The following CLASRP variants were observed in gnomAD, a reference collection of about 807,000 sequenced individuals.
CLASRP encodes the protein CLK4 associating serine/arginine rich protein.
In CLASRP, 52 loss-of-function variants were observed where a neutral mutation model predicts 99.9. The observed-to-expected ratio is 0.52, with a 90% CI of 0.42 to 0.66. The LOEUF is 0.66. Among genes scored for constraint, CLASRP ranks in the 30% least tolerant of loss-of-function variants. The pLI is 0.00. For synonymous variants in CLASRP, 379 were observed against 373.0 expected, an observed-to-expected ratio of 1.02 and a Z score of -0.18; for missense variants, 848 against 999.2, an observed-to-expected ratio of 0.85 and a Z score of 2.04.
chr19:45,048,441 G>C (rs531158593), intron 2 of CLASRP, among the ~76,000 whole-genome samples: 1 of 150,542 alleles, frequency 6.6e-6, no homozygotes, highest in Non-Finnish European at 1.5e-5. Flanking sequence ...CAGGAGAATC[G>C]CTTGAACCTG....
In CLASRP at chr19:45,057,914, T is replaced by C; in HGVS notation, c.613+16T>C. Reference sequence around the variant, plus strand: ...CCCGACATCGGTGGGGTCCCCTCTCTGCCCTCCCCACCTGCAGTCCCTGGG... The same window carrying C: ...CCCGACATCGGTGGGGTCCCCTCTCCGCCCTCCCCACCTGCAGTCCCTGGG... On this transcript the variant is annotated intron_variant, in intron 7 of 20. Transcript: ENST00000221455. 1.2e-6 allele frequency: 2 copies of C among 1,613,296 alleles called. No individual in the cohort carries two copies. Among genetic ancestry groups the C allele is most frequent in the South Asian group, 2.2e-5 (2 of 91,044 alleles).
chr19:45,055,636 C>T (rs565540816), intron 5 of CLASRP, among the ~76,000 whole-genome samples: 17 of 152,252 alleles, frequency 1.1e-4, no homozygotes, highest in Non-Finnish European at 2.1e-4. Context: ...GAGTTCGAGA[C>T]CAGCCTGACC....
At chr19:45,051,071 A>G (rs761482560) in intron 2 of CLASRP, among the ~76,000 whole-genome samples, 1 of 151,908 alleles carries the variant, frequency 6.6e-6, no homozygotes, top group African/African-American at 2.4e-5. Context: ...GTGTGGGTGA[A>G]GTGGTATCTT....
intron 2 of CLASRP, among the ~76,000 whole-genome samples, chr19:45,043,145 G>GA (rs536896164): frequency 3.0e-4 from 46 of 151,010 alleles, no homozygotes; most frequent in Non-Finnish European, 2.9e-5. Flanking sequence ...TCCAAAATCT[G>GA]AAAAAATCTG....
At position 45,070,795 on chromosome 19, in the gene CLASRP, C is replaced by T. The variant is rs906159697; in HGVS notation, c.1983-8C>T. ...CCATCCTCACGGCCCCTCCCTTTCT[C>T]TTTCCAGGCGCTCAAGGTCCCGATC... On this transcript the variant is annotated splice_polypyrimidine_tract_variant and splice_region_variant and intron_variant, in intron 20 of 20. Transcript: ENST00000221455. 1.2e-6 allele frequency: 2 copies of T among 1,609,258 alleles called. No individual in the cohort carries two copies. The highest frequency in any genetic ancestry group is 2.7e-5 in the African/African-American group (2 of 74,720).
chr19:45,067,598 A>G lies in CLASRP; in HGVS notation c.1667+4A>G. The G allele has an allele frequency of 6.3e-7, 1 of 1,590,842 alleles. No homozygotes were observed. On this transcript the variant is annotated splice_donor_region_variant and intron_variant, in intron 14 of 20. Transcript: ENST00000221455. This position sits in a 1 kb window ranked among gnomAD's most constrained non-coding sequence, Gnocchi z 4.9. ...CTGTGGGCGAGAAGCTGAAAAAGTGAGCGGGGCGGGTCTGGAGGAAGAGGG... is the reference window on the plus strand; with the variant it reads ...CTGTGGGCGAGAAGCTGAAAAAGTGGGCGGGGCGGGTCTGGAGGAAGAGGG...
At chr19:45,068,542 A>G in intron 16 of CLASRP, 62 bp downstream of exon 16, 2 of 1,264,566 alleles carry the variant, frequency 1.6e-6, no homozygotes, top group Non-Finnish European at 2.3e-6. Flanking sequence ...AGTGGGAGCA[A>G]GGAGACTCAG....
chr19:45,051,425 T>G (rs2122552704), intron 2 of CLASRP, among the ~76,000 whole-genome samples: 1 of 152,208 alleles, frequency 6.6e-6, no homozygotes, highest in South Asian at 2.1e-4. Context: ...GCGATTCTCC[T>G]GCCTCAGGCT....
intron 2 of CLASRP, among the ~76,000 whole-genome samples, chr19:45,043,195 T>TTGTGTGTG (rs58669276): frequency 0.084 from 11,262 of 134,636 alleles, 546 homozygotes; most frequent in Middle Eastern, 0.11. Context: ...AAGGAATACT[T>TTGTGTGTG]TGTGTGTGTG....
At position 45,064,593 on chromosome 19, in the gene CLASRP, G is replaced by T; in HGVS notation, c.1372G>T (p.Ala458Ser). 2.6e-6 allele frequency: 4 copies of T among 1,547,084 alleles called. No homozygotes were observed. The highest frequency in any genetic ancestry group is 1.2e-5 in the South Asian group (1 of 84,668). The change falls in exon 13 of 21, where the codon GCC (alanine) becomes TCC (serine). Residue 458 changes from alanine (A) to serine (S), a missense_variant. Physicochemically the swap from Ala to Ser is moderately conservative, Grantham distance 99. Coordinates refer to ENST00000221455, the MANE Select transcript of CLASRP (RefSeq NM_007056.3). ...RDGHRYSRSP[A>S]RRGGYGPRRR... ...CGGACACCGGTACTCCCGCTCGCCCGCCCGGCGTGGTGGTTACGGGCCCCG... is the reference window on the plus strand; with the variant it reads ...CGGACACCGGTACTCCCGCTCGCCCTCCCGGCGTGGTGGTTACGGGCCCCG...
Position 45,070,540 on chromosome 19 carries a change from G to A in CLASRP, c.1961G>A (p.Arg654Gln), listed in dbSNP as rs572944365. Reference sequence around the variant, plus strand: ...TCACCTGTTGTTTTCTTTCCAGGTCGAGAATACAGCTCTTCTCGAAGGTAA... The same window carrying A: ...TCACCTGTTGTTTTCTTTCCAGGTCAAGAATACAGCTCTTCTCGAAGGTAA... Reference protein sequence around the residue: ...QSRSPSPRYSREYSSSRRRSR... With the variant: ...QSRSPSPRYSQEYSSSRRRSR... Residue 654 changes from arginine (R) to glutamine (Q), a missense_variant, in exon 20 of 21, where the codon CGA becomes CAA. Around this residue, in one of 8 missense-constraint regions of CLASRP, gnomAD observed 116 missense variants for 162.7 expected, o/e 0.71. Coordinates refer to ENST00000221455, the MANE Select transcript of CLASRP (RefSeq NM_007056.3). 16 of 1,613,954 alleles carry A rather than the reference G, an allele frequency of 9.9e-6. No homozygotes were observed. In the Admixed American group the frequency reaches 1.2e-4, roughly 12 times the overall value.
At chr19:45,052,932 A>G in intron 4 of CLASRP, 40 bp downstream of exon 4, 1 of 1,562,754 alleles carries the variant, frequency 6.4e-7, no homozygotes, top group Non-Finnish European at 8.7e-7. Flanking sequence ...ACAGCGTCAT[A>G]CCCAGGAGCC....
intron 2 of CLASRP, among the ~76,000 whole-genome samples, chr19:45,048,418 C>T (rs1004978865): frequency 2.8e-4 from 42 of 151,358 alleles, no homozygotes; most frequent in Middle Eastern, 3.2e-3. Context: ...TGCCTGTACT[C>T]GGGAGGCTGA....
chr19:45,048,197 A>T (rs1971957129), intron 2 of CLASRP, among the ~76,000 whole-genome samples: 1 of 151,740 alleles, frequency 6.6e-6, no homozygotes, highest in Admixed American at 6.6e-5. Flanking sequence ...AGGCAGGTGG[A>T]CCCCATGGCT....
chr19:45,059,495 A>G (rs1312950202), intron 8 of CLASRP, 131 bp downstream of exon 8: 1 of 747,340 alleles, frequency 1.3e-6, no homozygotes, highest in Non-Finnish European at 2.2e-6. Context: ...AGGACTTTAC[A>G]CATGCAGGTC....
Position 45,063,876 on chromosome 19 carries a change from T to A in CLASRP, c.906-136T>A, listed in dbSNP as rs574651356. 2.1e-5 allele frequency: 26 copies of A among 1,259,592 alleles called. No individual in the cohort carries two copies. In the South Asian group the frequency reaches 3.1e-4, roughly 15 times the overall value. 78.0% of individuals were successfully genotyped at this position (1,259,592 alleles called of 1,614,324 possible). ...GTCCAGAGCTGGGTCTCCACTGCCCTCCAGGCTCCATCCACCCGCCTGGTT... is the reference window on the plus strand; with the variant it reads ...GTCCAGAGCTGGGTCTCCACTGCCCACCAGGCTCCATCCACCCGCCTGGTT... On this transcript the variant is annotated intron_variant, in intron 11 of 20. Transcript: ENST00000221455.
chr19:45,040,530 G>A, intron 2 of CLASRP: 2 of 413,828 alleles, frequency 4.8e-6, no homozygotes, highest in Non-Finnish European at 9.1e-6. Context: ...TCCCAGTGCC[G>A]ATCCGGTGTT....
intron 7 of CLASRP, 83 bp from the exon 8 acceptor site, chr19:45,059,185 C>A: frequency 1.7e-6 from 2 of 1,204,870 alleles, no homozygotes; most frequent in Non-Finnish European, 2.4e-6. Flanking sequence ...GGCGCCCCAT[C>A]ATCCCCGCCT....
chr19:45,067,641 G>C lies in CLASRP; in HGVS notation c.1667+47G>C. 1 of 1,514,030 alleles carries C rather than the reference G, an allele frequency of 6.6e-7. No homozygotes were observed. The highest frequency in any genetic ancestry group is 8.9e-7 in the Non-Finnish European group (1 of 1,118,570). The allele number at this position is 1,514,030 out of a possible 1,614,324, so 93.8% of individuals were successfully genotyped here. On this transcript the variant is annotated intron_variant, in intron 14 of 20. Coordinates refer to ENST00000221455, the MANE Select transcript of CLASRP (RefSeq NM_007056.3). The surrounding 1 kb of genome is among the most constrained non-coding windows in gnomAD (Gnocchi z 4.9). ...GAAGAGGGCTGCCAATCTCGGGTGG[G>C]GAGGGTGAACATCACTGTTTTCTTT...
Sources: gnomAD v4.1 joint callset for allele counts (sites outside exome capture counted in the v4.1 genomes callset) on GRCh38, gnomAD v4.1.1 for gene constraint, gnomAD v4.1.1 regional missense constraint, Gnocchi (gnomAD v3.1) non-coding constraint, MANE v1.5 for transcripts, NCBI Gene and HGNC (gene_info 2026-07-23, HGNC 2026-07-21) for gene names.